Variants in PDE7A observed in about 807,000 individuals in gnomAD.
PDE7A encodes the protein high affinity 3',5'-cyclic-AMP phosphodiesterase 7A.
PDE7A carries 39 observed loss-of-function variants against 64.3 expected under a neutral mutation model. The ratio of observed to expected loss-of-function variants is 0.61; its 90% CI spans 0.47 to 0.79. The LOEUF is 0.79. PDE7A is among the 30% of genes least tolerant of loss of function. The pLI is 0.00. For missense variants in PDE7A, 470 were observed against 582.8 expected (o/e 0.81, Z 1.99); for synonymous variants, 203 against 206.8 (o/e 0.98, Z 0.16).
Position 65,729,008 on chromosome 8 carries a change from A to G in PDE7A, c.697-1707T>C, listed in dbSNP as rs1001887199. Among the ~76,000 whole-genome samples the G allele has an allele frequency of 4.6e-5, 7 of 152,202 alleles. 1 individual carries two copies. The highest frequency in any genetic ancestry group is 3.9e-4 in the Admixed American group (6 of 15,280). On this transcript the variant is annotated intron_variant, in intron 7 of 12. Transcript: ENST00000401827. ...AAATGTAACATTTCTGCTTGTAAAA[A>G]AAAACCTTTCATCAGAAACAAAATT... is the stretch of plus-strand genomic sequence containing the variant.
intron 1 of PDE7A, among the ~76,000 whole-genome samples, chr8:65,816,695 G>T (rs1810412205): frequency 6.6e-6 from 1 of 152,168 alleles, no homozygotes; most frequent in African/African-American, 2.4e-5. Context: ...CACCAATACT[G>T]ATGAGAAAGC....
At chr8:65,799,601 C>T (rs75882814) in intron 1 of PDE7A, among the ~76,000 whole-genome samples, 7,359 of 152,098 alleles carry the variant, frequency 0.048, 490 homozygotes, top group African/African-American at 0.15. Flanking sequence ...AGAAATGTGA[C>T]GGGATTTAAG....
chr8:65,791,701 C>A (rs569316696), intron 1 of PDE7A, among the ~76,000 whole-genome samples: 15 of 152,170 alleles, frequency 9.9e-5, no homozygotes, highest in African/African-American at 3.1e-4. Context: ...AATTCTCCCC[C>A]AGATCAGAAA....
intron 1 of PDE7A, among the ~76,000 whole-genome samples, chr8:65,839,223 T>TTA (rs139030754): frequency 0.056 from 8,422 of 149,676 alleles, 345 homozygotes; most frequent in African/African-American, 0.12. Context: ...GTCTTTTTTT[T>TTA]AAAAAAAAAA....
At position 65,730,171 on chromosome 8, in the gene PDE7A, CTTTTTTTTTTTTTT is replaced by C. The variant is rs1179431555; in HGVS notation, c.697-2884_697-2871del. ...TGTGAGGGATCCAGGTTGCGCACTT[CTTTTTTTTTTTTTT>C]TTTTTTTTTTTTGAGATGGAGTTTC... On this transcript the variant is annotated intron_variant, in intron 7 of 12. Coordinates refer to ENST00000401827, the MANE Select transcript of PDE7A (RefSeq NM_001242318.3). Among the ~76,000 whole-genome samples, 45 of 86,448 alleles carry C rather than the reference CTTTTTTTTTTTTTT, an allele frequency of 5.2e-4. 1 individual carries two copies. The highest frequency in any genetic ancestry group is 1.6e-3 in the African/African-American group (34 of 20,938). 56.7% of individuals were successfully genotyped at this position (86,448 alleles called of 152,430 possible).
chr8:65,826,072 G>A (rs1000038038), intron 1 of PDE7A, among the ~76,000 whole-genome samples: 3 of 152,160 alleles, frequency 2.0e-5, no homozygotes, highest in African/African-American at 7.2e-5. Context: ...AACAGCCAAT[G>A]CAAAGACAAA....
intron 1 of PDE7A, among the ~76,000 whole-genome samples, chr8:65,802,884 T>TG (rs1810027593): frequency 6.6e-6 from 1 of 152,180 alleles, no homozygotes; most frequent in African/African-American, 2.4e-5. Context: ...GCCATCCCCT[T>TG]GTTGATAAGT....
chr8:65,816,051 A>G (rs1432185410), intron 1 of PDE7A, among the ~76,000 whole-genome samples: 1 of 151,640 alleles, frequency 6.6e-6, no homozygotes, highest in South Asian at 2.1e-4. Flanking sequence ...GAAAATATCT[A>G]TTTTCATTTA....
At chr8:65,724,118 A>C in intron 11 of PDE7A, 137 bp downstream of exon 11, 1 of 575,490 alleles carries the variant, frequency 1.7e-6, no homozygotes, top group Non-Finnish European at 3.1e-6. Context: ...GATTAGATGT[A>C]TATCTATTGT....
intron 7 of PDE7A, among the ~76,000 whole-genome samples, chr8:65,730,612 G>A (rs1454162136): frequency 6.6e-6 from 1 of 152,086 alleles, no homozygotes; most frequent in Non-Finnish European, 1.5e-5. Context: ...AAGGTTGGCG[G>A]CCACTGCTCT....
chr8:65,835,220 GT>G, intron 1 of PDE7A, among the ~76,000 whole-genome samples: 1 of 152,308 alleles, frequency 6.6e-6, no homozygotes, highest in East Asian at 1.9e-4. Context: ...ATGAATTGGA[GT>G]TTTTTGTAGT....
chr8:65,838,283 A>G (rs896541079), intron 1 of PDE7A, among the ~76,000 whole-genome samples: 4 of 152,310 alleles, frequency 2.6e-5, no homozygotes, highest in African/African-American at 7.2e-5. Flanking sequence ...TGCCTTCACA[A>G]TATTTTTTTT....
chr8:65,742,990 T>C (rs1807509857), intron 5 of PDE7A, among the ~76,000 whole-genome samples: 1 of 152,226 alleles, frequency 6.6e-6, no homozygotes, highest in Non-Finnish European at 1.5e-5. Flanking sequence ...AGTGCACTGC[T>C]GAGCTCACGC....
At chr8:65,819,898 T>C (rs1382654866) in intron 1 of PDE7A, among the ~76,000 whole-genome samples, 2 of 152,190 alleles carry the variant, frequency 1.3e-5, no homozygotes, top group Non-Finnish European at 1.5e-5. Context: ...CAGAACTTCC[T>C]GCTCACCTCC....
chr8:65,768,236 T>G (rs1808896294), intron 3 of PDE7A, among the ~76,000 whole-genome samples: 1 of 152,312 alleles, frequency 6.6e-6, no homozygotes, highest in African/African-American at 2.4e-5. Flanking sequence ...TTTAATGAGC[T>G]AAAATATTCC....
At chr8:65,838,721 G>T (rs1490714835) in intron 1 of PDE7A, 2 of 152,214 alleles carry the variant, frequency 1.3e-5, no homozygotes, top group South Asian at 4.1e-4. Context: ...GCTTGTAAAA[G>T]TTGCTGGCTT....
At chr8:65,817,748 G>A (rs1351508242) in intron 1 of PDE7A, among the ~76,000 whole-genome samples, 2 of 124,078 alleles carry the variant, frequency 1.6e-5, no homozygotes, top group Admixed American at 1.1e-4. Context: ...TCATATCAAG[G>A]AGTGTTTTTT....
chr8:65,787,290 G>T (rs781698102), intron 1 of PDE7A, among the ~76,000 whole-genome samples: 16 of 152,168 alleles, frequency 1.1e-4, no homozygotes, highest in Non-Finnish European at 7.3e-5. Flanking sequence ...CTATAAGGTA[G>T]GCTTTATTAG....
At chr8:65,798,198 A>T (rs1285201030) in intron 1 of PDE7A, among the ~76,000 whole-genome samples, 2 of 21,616 alleles carry the variant, frequency 9.3e-5, no homozygotes, top group African/African-American at 4.3e-4. Flanking sequence ...ATATATATAT[A>T]TATATATATT....
Sources: gnomAD v4.1 joint callset for allele counts (sites outside exome capture counted in the v4.1 genomes callset) on GRCh38, gnomAD v4.1.1 for gene constraint, MANE v1.5 for transcripts, NCBI Gene and HGNC (gene_info 2026-07-23, HGNC 2026-07-21) for gene names.